The following ACYP2 variants were observed in gnomAD, a reference collection of about 807,000 sequenced individuals.
The protein encoded by ACYP2 is acylphosphatase 2.
A neutral mutation model predicts 11.2 loss-of-function variants in ACYP2; 12 were observed. The observed-to-expected ratio is 1.08, with a 90% confidence interval of 0.69 to 1.74. The LOEUF is 1.74. Among genes scored for constraint, ACYP2 ranks in the 40% most tolerant of loss-of-function variants. The pLI is 0.00. For synonymous variants in ACYP2, 43 were observed against 32.2 expected, an observed-to-expected ratio of 1.33 and a Z score of -1.13; for missense variants, 134 against 101.9, an observed-to-expected ratio of 1.31 and a Z score of -1.35.
intron 6 of ACYP2, chr2:54,255,740 C>T: frequency 6.2e-7 from 1 of 1,614,012 alleles, no homozygotes; most frequent in Non-Finnish European, 8.5e-7. Context: ...ACTTCAGACT[C>T]CGACCTCCCT....
At chr2:53,984,532 G>A (rs964166286) in intron 2 of ACYP2, among the ~76,000 whole-genome samples, 2 of 151,694 alleles carry the variant, frequency 1.3e-5, no homozygotes, top group Admixed American at 6.6e-5. Flanking sequence ...AGCCGAGATC[G>A]CACCACTGTA....
intron 6 of ACYP2, among the ~76,000 whole-genome samples, chr2:54,216,475 C>G (rs1685562968): frequency 6.6e-6 from 1 of 151,198 alleles, no homozygotes; most frequent in African/African-American, 2.4e-5. Context: ...TAATATTGTC[C>G]CATCAAATAA....
At chr2:54,072,926 G>T (rs962093359) in intron 4 of ACYP2, among the ~76,000 whole-genome samples, 2 of 152,022 alleles carry the variant, frequency 1.3e-5, no homozygotes, top group Non-Finnish European at 2.9e-5. Context: ...GAAATGCAAG[G>T]TACTCAAACA....
intron 2 of ACYP2, among the ~76,000 whole-genome samples, chr2:54,036,531 G>T (rs1389704126): frequency 6.6e-6 from 1 of 152,176 alleles, no homozygotes; most frequent in African/African-American, 2.4e-5. Flanking sequence ...TACTGAGCAG[G>T]ATTCAGATTA....
At chr2:54,028,402 T>C (rs2104552021) in intron 2 of ACYP2, among the ~76,000 whole-genome samples, 1 of 152,334 alleles carries the variant, frequency 6.6e-6, no homozygotes, top group South Asian at 2.1e-4. Flanking sequence ...TCAAGGTCTC[T>C]CTGACTTTCC....
intron 4 of ACYP2, chr2:54,082,812 A>G (rs3738857): frequency 0.11 from 16,990 of 152,220 alleles, 1,079 homozygotes; most frequent in East Asian, 0.31. Flanking sequence ...ACAGAGGCTC[A>G]TGCCTGTAAT....
rs1354658076 is a variant in ACYP2 at position 54,197,942 on chromosome 2, A to ATTGTATTG, written c.404+59195_404+59196insTGTATTGT. 5.6e-4 allele frequency among the ~76,000 whole-genome samples: 39 copies of ATTGTATTG among 69,572 alleles called. 2 individuals carry two copies. The highest frequency in any genetic ancestry group is 2.0e-3 in the East Asian group (4 of 2,040). 45.6% of individuals were successfully genotyped at this position (69,572 alleles called of 152,430 possible). On this transcript the variant is annotated intron_variant, in intron 6 of 6. Transcript: ENST00000607452. Reference sequence around the variant, plus strand: ...ATTTTATTTTATTTATGTATGTATTATATTGTATTGTATTGTATTGTATTG... The same window carrying ATTGTATTG: ...ATTTTATTTTATTTATGTATGTATTATTGTATTGTATTGTATTGTATTGTATTGTATTG...
At chr2:54,000,199 T>C (rs1672739752) in intron 2 of ACYP2, among the ~76,000 whole-genome samples, 1 of 152,074 alleles carries the variant, frequency 6.6e-6, no homozygotes, top group Admixed American at 6.6e-5. Context: ...AAAATTATTA[T>C]AGTTTTGTCC....
chr2:54,198,489 A>C (rs1327307627), intron 6 of ACYP2, among the ~76,000 whole-genome samples: 1 of 152,132 alleles, frequency 6.6e-6, no homozygotes, highest in Non-Finnish European at 1.5e-5. Flanking sequence ...TCTTGTTCAA[A>C]AAGCAGGGGG....
chr2:54,194,398 A>G (rs1385099341), intron 6 of ACYP2, among the ~76,000 whole-genome samples: 1 of 152,194 alleles, frequency 6.6e-6, no homozygotes, highest in Non-Finnish European at 1.5e-5. Context: ...TTCTACAGGA[A>G]GTAAAACATC....
chr2:54,055,259 A>G (rs1558498099), intron 3 of ACYP2, among the ~76,000 whole-genome samples: 1 of 151,810 alleles, frequency 6.6e-6, no homozygotes, highest in Non-Finnish European at 1.5e-5. Context: ...CTGGTCTAGA[A>G]CTCCTGACCT....
intron 2 of ACYP2, among the ~76,000 whole-genome samples, chr2:53,985,621 A>T (rs1411105465): frequency 6.6e-6 from 1 of 152,208 alleles, no homozygotes; most frequent in Non-Finnish European, 1.5e-5. Flanking sequence ...AACTGTGTTT[A>T]TGTTTGCACA....
intron 4 of ACYP2, among the ~76,000 whole-genome samples, chr2:54,071,599 G>A (rs1677046146): frequency 6.6e-6 from 1 of 152,038 alleles, no homozygotes; most frequent in Admixed American, 6.6e-5. Flanking sequence ...CTGAGTAGCT[G>A]AGACTACAGG....
chr2:54,189,780 C>T (rs924979668), intron 6 of ACYP2, among the ~76,000 whole-genome samples: 3 of 152,112 alleles, frequency 2.0e-5, no homozygotes, highest in African/African-American at 7.2e-5. Context: ...TTAGAAGCCT[C>T]CCTACTGTTT....
intron 6 of ACYP2, among the ~76,000 whole-genome samples, chr2:54,159,748 C>T (rs1027583011): frequency 3.3e-5 from 5 of 152,002 alleles, no homozygotes; most frequent in African/African-American, 7.2e-5. Context: ...GAAGAGTGCT[C>T]CTCCTGCCTT....
At position 54,015,481 on chromosome 2, in the gene ACYP2, G is replaced by A. The variant is rs370917948; in HGVS notation, c.63-35477G>A. Reference sequence around the variant, plus strand: ...CGAGATTGTGCCATTGTTCTCCAGGGAAAAAAAAAATACAAAAAGTCAGCC... The same window carrying A: ...CGAGATTGTGCCATTGTTCTCCAGGAAAAAAAAAAATACAAAAAGTCAGCC... On this transcript the variant is annotated intron_variant, in intron 2 of 6. Coordinates refer to ENST00000607452, the MANE Select transcript of ACYP2 (RefSeq NM_001320586.2). Among the ~76,000 whole-genome samples the A allele has an allele frequency of 2.2e-3, 330 of 148,546 alleles. 2 individuals carry two copies. Among genetic ancestry groups the A allele is most frequent in the African/African-American group, 7.8e-3 (315 of 40,614 alleles).
chr2:54,272,094 G>T (rs1377889914), intron 6 of ACYP2, among the ~76,000 whole-genome samples: 1 of 152,178 alleles, frequency 6.6e-6, no homozygotes, highest in Non-Finnish European at 1.5e-5. Flanking sequence ...CAAGCACCAT[G>T]CTAAACACTT....
intron 2 of ACYP2, among the ~76,000 whole-genome samples, chr2:54,050,635 A>T (rs1331762192): frequency 2.0e-5 from 3 of 152,124 alleles, no homozygotes; most frequent in Non-Finnish European, 4.4e-5. Context: ...CTGTGAAGTT[A>T]TATGGGTTTT....
intron 4 of ACYP2, among the ~76,000 whole-genome samples, chr2:54,059,131 G>A (rs748276142): frequency 2.6e-5 from 4 of 152,202 alleles, no homozygotes; most frequent in Non-Finnish European, 4.4e-5. Flanking sequence ...TGTTCCTGCT[G>A]TATCACAACC....
Sources: gnomAD v4.1 joint callset for allele counts (sites outside exome capture counted in the v4.1 genomes callset) on GRCh38, gnomAD v4.1.1 for gene constraint, MANE v1.5 for transcripts, NCBI Gene and HGNC (gene_info 2026-07-23, HGNC 2026-07-21) for gene names.